Variants in TRPC5 observed in about 807,000 individuals in gnomAD.
The protein encoded by TRPC5 is short transient receptor potential channel 5.
In TRPC5, 9 loss-of-function variants were observed where a neutral mutation model predicts 56.5. The observed-to-expected ratio is 0.16, with a 90% confidence interval of 0.10 to 0.28. TRPC5 has a LOEUF of 0.28. Among genes scored for constraint, TRPC5 ranks in the 10% least tolerant of loss-of-function variants. The pLI is 1.00. For synonymous variants in TRPC5, 282 were observed against 278.5 expected (o/e 1.01, Z -0.13); for missense variants, 469 against 748.9 (o/e 0.63, Z 4.36).
At position 112,026,928 on chromosome X, in the gene TRPC5, A is replaced by AAAAG. The variant is rs376571702; in HGVS notation, c.-22+54947_-22+54950dup. 9.8e-3 allele frequency among the ~76,000 whole-genome samples: 1,064 copies of AAAAG among 108,994 alleles called. 6 individuals are homozygous for AAAAG. The highest frequency in any genetic ancestry group is 0.015 in the African/African-American group (438 of 29,922). 94.6% of individuals were successfully genotyped at this position (108,994 alleles called of 115,157 possible). A position where few individuals can be genotyped will look rare whatever the true frequency, so the allele number is the denominator to read the frequency against. Reference sequence around the variant, plus strand: ...CCATGAAAAAAAAAAAAGAAGAAGAAAAAGAAAGAAAGAAAGAAAGAAAGA... The same window carrying AAAAG: ...CCATGAAAAAAAAAAAAGAAGAAGAAAAAGAAAGAAAGAAAGAAAGAAAGAAAGA... On this transcript the variant is annotated intron_variant, in intron 1 of 10. Transcript: ENST00000262839.
At chrX:112,035,034 A>G (rs1429796310) in intron 1 of TRPC5, among the ~76,000 whole-genome samples, 1 of 89,380 alleles carries the variant, frequency 1.1e-5, no homozygotes, top group African/African-American at 4.1e-5. Context: ...TTCTTTTTCT[A>G]TTTCCTTAAG....
Position 111,847,423 on chromosome X carries a change from C to T in TRPC5, c.1391G>A (p.Arg464His), listed in dbSNP as rs755345906. 7.4e-6 allele frequency: 9 copies of T among 1,208,332 alleles called. No individual in the cohort carries two copies. The highest frequency in any genetic ancestry group is 1.8e-5 in the South Asian group (1 of 56,504). ...CCACATTTCCCATTCCTCCCTTGGACGAGAACCATTATACTGAAAGAAACA... is the reference window on the plus strand; with the variant it reads ...CCACATTTCCCATTCCTCCCTTGGATGAGAACCATTATACTGAAAGAAACA... ...IVAYVKYNGSRPREEWEMWHP... is the reference protein window; with the variant it reads ...IVAYVKYNGSHPREEWEMWHP... The change falls in exon 6 of 11, where the codon CGT becomes CAT. Residue 464 changes from arginine (R) to histidine (H), a missense_variant. Coordinates refer to ENST00000262839, the MANE Select transcript of TRPC5 (RefSeq NM_012471.3).
chrX:112,009,246 G>A (rs1409499045), intron 1 of TRPC5, among the ~76,000 whole-genome samples: 3 of 111,420 alleles, frequency 2.7e-5, no homozygotes, highest in South Asian at 3.8e-4. Flanking sequence ...TCGAGATTGC[G>A]GGGGCCAAAC....
At chrX:112,044,765 T>C (rs1446037190) in intron 1 of TRPC5, among the ~76,000 whole-genome samples, 1 of 112,087 alleles carries the variant, frequency 8.9e-6, no homozygotes, top group Non-Finnish European at 1.9e-5. Context: ...TATGAGGCTT[T>C]CCAGAATCCT....
Position 111,847,123 on chromosome X carries a change from G to A in TRPC5, c.1691C>T (p.Ala564Val). Residue 564 changes from alanine (A) to valine (V), a missense_variant, in exon 6 of 11, where the codon GCC (alanine) becomes GTC (valine). Physicochemically the swap from Ala to Val is moderately conservative, Grantham distance 64. Around this residue, in one of 3 missense-constraint regions of TRPC5, gnomAD observed 157 missense variants for 360.0 expected, o/e 0.44. Coordinates refer to ENST00000262839, the MANE Select transcript of TRPC5 (RefSeq NM_012471.3). ...KGIRCEKQNN[A>V]FSTLFETLQS... The stretch of plus-strand genomic sequence containing the variant: ...AAGGGGATCGTCTTACGTGGAGAAG[G>A]CATTGTTCTGTTTCTCACATCGGAT... The A allele has an allele frequency of 8.3e-7, 1 of 1,209,153 alleles. No homozygotes were observed. The highest frequency in any genetic ancestry group is 3.0e-5 in the East Asian group (1 of 33,783).
chrX:111,950,334 AAAG>A (rs1927054966), intron 2 of TRPC5, among the ~76,000 whole-genome samples: 1 of 111,449 alleles, frequency 9.0e-6, no homozygotes, highest in Admixed American at 9.5e-5. Context: ...CAAAAAAAAA[AAAG>A]AATTAATTAA....
intron 3 of TRPC5, among the ~76,000 whole-genome samples, chrX:111,860,639 T>A (rs1302712807): frequency 8.9e-6 from 1 of 112,360 alleles, no homozygotes; most frequent in African/African-American, 3.2e-5. Context: ...ACAAAGAAAT[T>A]TGGTTATTTT....
chrX:111,925,358 A>G (rs1431331855), intron 2 of TRPC5, among the ~76,000 whole-genome samples: 3 of 112,433 alleles, frequency 2.7e-5, no homozygotes, highest in Non-Finnish European at 5.6e-5. Flanking sequence ...ATTTCAAAGA[A>G]GTGTGGTCCT....
intron 1 of TRPC5, among the ~76,000 whole-genome samples, chrX:111,956,998 C>T (rs1301302462): frequency 8.9e-6 from 1 of 112,206 alleles, no homozygotes; most frequent in Non-Finnish European, 1.9e-5. Context: ...CCCTTTATTA[C>T]ACATGACAAC....
intron 2 of TRPC5, among the ~76,000 whole-genome samples, chrX:111,930,024 A>T (rs114832815): frequency 0.011 from 1,284 of 112,166 alleles, 15 homozygotes; most frequent in African/African-American, 0.039. Flanking sequence ...ACATGTGGTG[A>T]TATGCCACTC....
intron 1 of TRPC5, among the ~76,000 whole-genome samples, chrX:112,046,768 T>C (rs1279089092): frequency 9.0e-6 from 1 of 111,312 alleles, no homozygotes; most frequent in Admixed American, 9.5e-5. Context: ...TAATAATAAC[T>C]GTGTAGGACC....
intron 2 of TRPC5, among the ~76,000 whole-genome samples, chrX:111,922,994 T>C (rs900287420): frequency 9.0e-6 from 1 of 111,170 alleles, no homozygotes; most frequent in Non-Finnish European, 1.9e-5. Context: ...ATAGGCATAA[T>C]AATTACTCCC....
At chrX:111,985,781 G>A (rs1260107284) in intron 1 of TRPC5, among the ~76,000 whole-genome samples, 1 of 111,846 alleles carries the variant, frequency 8.9e-6, no homozygotes, top group Non-Finnish European at 1.9e-5. Context: ...TAATACCATA[G>A]GTCTGCACAA....
At chrX:112,035,089 T>TA (rs1169340398) in intron 1 of TRPC5, among the ~76,000 whole-genome samples, 192 of 99,138 alleles carry the variant, frequency 1.9e-3, no homozygotes, top group African/African-American at 5.8e-3. Flanking sequence ...TTTTTTTTTT[T>TA]AAAAAAAAAA....
At chrX:112,031,886 A>G (rs767694316) in intron 1 of TRPC5, among the ~76,000 whole-genome samples, 1 of 108,857 alleles carries the variant, frequency 9.2e-6, no homozygotes, top group East Asian at 2.8e-4. Flanking sequence ...ATATATATAT[A>G]TTTCATATAG....
At chrX:111,977,957 A>T (rs934688250) in intron 1 of TRPC5, among the ~76,000 whole-genome samples, 3 of 111,539 alleles carry the variant, frequency 2.7e-5, no homozygotes, top group Non-Finnish European at 5.7e-5. Context: ...TACAAAAAAA[A>T]ACAAAATATA....
intron 1 of TRPC5, among the ~76,000 whole-genome samples, chrX:112,011,616 G>A (rs760136458): frequency 7.4e-4 from 83 of 111,968 alleles, no homozygotes; most frequent in African/African-American, 2.5e-3. Context: ...TTCTGCAGCA[G>A]GGGCTCAGTG....
At chrX:111,832,639 C>T (rs1922444890) in intron 7 of TRPC5, among the ~76,000 whole-genome samples, 2 of 111,781 alleles carry the variant, frequency 1.8e-5, no homozygotes, top group Non-Finnish European at 3.8e-5. Flanking sequence ...TAAAAACACA[C>T]TCCCGTGGGA....
chrX:111,944,267 A>AGTATGTGTGTGTGTGTGTGT (rs773983065), intron 2 of TRPC5, among the ~76,000 whole-genome samples: 5 of 71,740 alleles, frequency 7.0e-5, no homozygotes, highest in African/African-American at 2.9e-4. Flanking sequence ...GGAGTAGAAG[A>AGTATGTGTGTGTGTGTGTGT]GTGTGTGTGT....
Sources: allele counts gnomAD v4.1 joint callset (sites outside exome capture counted in the v4.1 genomes callset), GRCh38; gene constraint gnomAD v4.1.1; regional missense constraint gnomAD v4.1.1; transcripts MANE v1.5; gene names NCBI Gene and HGNC (gene_info 2026-07-23, HGNC 2026-07-21).